Variants in PKHD1 observed in about 807,000 individuals in gnomAD.
PKHD1 encodes fibrocystin.
Under a neutral mutation model 412.0 loss-of-function variants are expected in PKHD1, and 291 were observed. The observed-to-expected ratio is 0.71, with a 90% CI of 0.64 to 0.78. The LOEUF is 0.78. PKHD1 is among the 30% of genes least tolerant of loss of function. PKHD1 has a pLI of 0.00. For synonymous variants in PKHD1, 1,777 were observed against 1,821.5 expected, an observed-to-expected ratio of 0.98 and a Z score of 0.62; for missense variants, 4,825 against 4,950.7, an observed-to-expected ratio of 0.97 and a Z score of 0.76.
At chr6:51,971,921 A>C (rs899367832) in intron 35 of PKHD1, among the ~76,000 whole-genome samples, 1 of 151,874 alleles carries the variant, frequency 6.6e-6, no homozygotes, top group African/African-American at 2.4e-5. Flanking sequence ...CTGTAGAGAC[A>C]AGGTTTTGCC....
chr6:52,017,301 T>TACC, intron 34 of PKHD1, 109 bp downstream of exon 34: 1 of 823,674 alleles, frequency 1.2e-6, no homozygotes, highest in Non-Finnish European at 2.1e-6. Flanking sequence ...TTGTAGCCCT[T>TACC]ACCACGGCTG....
intron 52 of PKHD1, among the ~76,000 whole-genome samples, chr6:51,801,652 T>A (rs867013687): frequency 7.0e-6 from 1 of 143,198 alleles, no homozygotes; most frequent in African/African-American, 2.7e-5. Context: ...TGTGTGTGTG[T>A]GTGAGAGAGA....
chr6:52,003,292 G>C (rs1798661333), intron 35 of PKHD1, among the ~76,000 whole-genome samples: 1 of 152,164 alleles, frequency 6.6e-6, no homozygotes, highest in African/African-American at 2.4e-5. Context: ...AAACAGACGA[G>C]ATGAGAAACC....
In PKHD1 at chr6:51,845,038, GA is replaced by G. The variant is rs750854974; in HGVS notation, c.8107+2736del. Among the ~76,000 whole-genome samples, 8 of 152,156 alleles carry G rather than the reference GA, an allele frequency of 5.3e-5. No individual in the cohort carries two copies. The East Asian group carries it at 1.2e-3, about 22-fold the overall frequency. The stretch of plus-strand genomic sequence containing the variant: ...ATGGTCCTATAAAGTCAAGTGGTCT[GA>G]AAAAAACAGTTAAGTGAAAGTTACA... On this transcript the variant is annotated intron_variant, in intron 50 of 66. Transcript: ENST00000371117.
At chr6:52,020,718 A>G (rs1801274359) in intron 33 of PKHD1, among the ~76,000 whole-genome samples, 1 of 152,240 alleles carries the variant, frequency 6.6e-6, no homozygotes, top group Non-Finnish European at 1.5e-5. Flanking sequence ...CTCTGAAAAG[A>G]GCAACTGCGA....
At chr6:51,950,220 A>AAAAATATAT in intron 36 of PKHD1, among the ~76,000 whole-genome samples, 4,002 of 98,172 alleles carry the variant, frequency 0.041, 142 homozygotes, top group Non-Finnish European at 0.056. Flanking sequence ...GAAAAAAAAA[A>AAAAATATAT]ATATATATAT....
intron 35 of PKHD1, among the ~76,000 whole-genome samples, chr6:52,004,620 A>C (rs976954293): frequency 1.3e-5 from 2 of 152,216 alleles, no homozygotes; most frequent in South Asian, 2.1e-4. Context: ...TTGCTCTAGC[A>C]GACAATTAAT....
At chr6:51,861,492 T>G (rs1774179350) in intron 48 of PKHD1, among the ~76,000 whole-genome samples, 1 of 152,238 alleles carries the variant, frequency 6.6e-6, no homozygotes, top group South Asian at 2.1e-4. Context: ...CAAATTGTGT[T>G]GCAAACATCT....
Position 51,734,179 on chromosome 6 carries a change from A to T in PKHD1, c.10156+10206T>A, listed in dbSNP as rs536123609. 3.3e-5 allele frequency among the ~76,000 whole-genome samples: 5 copies of T among 152,360 alleles called. No homozygotes were observed. The South Asian group carries it at 6.2e-4, about 19-fold the overall frequency. On this transcript the variant is annotated intron_variant, in intron 60 of 66. Coordinates refer to ENST00000371117, the MANE Select transcript of PKHD1 (RefSeq NM_138694.4). ...TAACACAAAATTAAACAGTGTTTTT[A>T]AAAATTTAATTGCAGAACTTATCAG...
intron 37 of PKHD1, among the ~76,000 whole-genome samples, chr6:51,924,091 T>C (rs1785149478): frequency 6.6e-6 from 1 of 152,138 alleles, no homozygotes; most frequent in Admixed American, 6.5e-5. Flanking sequence ...AAAATCCAAT[T>C]TTGACAAATA....
intron 60 of PKHD1, among the ~76,000 whole-genome samples, chr6:51,742,980 A>T (rs533354935): frequency 6.6e-6 from 1 of 152,264 alleles, no homozygotes; most frequent in South Asian, 2.1e-4. Flanking sequence ...AAACGCCCTG[A>T]TGTAGTGATA....
At position 51,853,539 on chromosome 6, in the gene PKHD1, C is replaced by T. The variant is rs186084411; in HGVS notation, c.7911+2354G>A. The stretch of plus-strand genomic sequence containing the variant: ...TGTTTTCCAGCTTTTTTCCATTCTC[C>T]CTGTCTCCTTCTGGTACTCCAATCA... On this transcript the variant is annotated intron_variant, in intron 49 of 66. Coordinates refer to ENST00000371117, the MANE Select transcript of PKHD1 (RefSeq NM_138694.4). Among the ~76,000 whole-genome samples, 370 of 152,254 alleles carry T rather than the reference C, an allele frequency of 2.4e-3. 3 individuals carry two copies. The highest frequency in any genetic ancestry group is 7.9e-3 in the African/African-American group (330 of 41,552).
At chr6:52,036,116 G>A (rs1021113805) in intron 27 of PKHD1, among the ~76,000 whole-genome samples, 1 of 152,174 alleles carries the variant, frequency 6.6e-6, no homozygotes, top group Non-Finnish European at 1.5e-5. Flanking sequence ...AAGGAACAGT[G>A]GCTGAGAGTC....
intron 36 of PKHD1, among the ~76,000 whole-genome samples, chr6:51,950,790 C>T (rs887911384): frequency 2.0e-5 from 3 of 152,120 alleles, no homozygotes; most frequent in Non-Finnish European, 4.4e-5. Context: ...CCCTTAGTCA[C>T]TCAACCAACA....
At chr6:51,841,393 C>A (rs1395094331) in intron 50 of PKHD1, among the ~76,000 whole-genome samples, 2 of 151,902 alleles carry the variant, frequency 1.3e-5, no homozygotes, top group African/African-American at 2.4e-5. Flanking sequence ...CTCCTCTCCT[C>A]TTCTCTCCTC....
At chr6:51,681,972 G>C (rs1776729681) in intron 60 of PKHD1, among the ~76,000 whole-genome samples, 1 of 152,058 alleles carries the variant, frequency 6.6e-6, no homozygotes. Context: ...ACAGTGACCA[G>C]AAAAGTATGA....
chr6:51,726,183 T>C (rs1305278994), intron 60 of PKHD1, among the ~76,000 whole-genome samples: 3 of 152,186 alleles, frequency 2.0e-5, no homozygotes, highest in Admixed American at 6.5e-5. Flanking sequence ...TTCACGTTCA[T>C]GTCACCAAAC....
chr6:51,947,338 A>G (rs1051026286), intron 36 of PKHD1, among the ~76,000 whole-genome samples: 3 of 152,190 alleles, frequency 2.0e-5, no homozygotes, highest in African/African-American at 4.8e-5. Flanking sequence ...TCAAATTTTC[A>G]TCATGTGCTA....
At chr6:51,677,998 T>C (rs1224912325) in intron 60 of PKHD1, among the ~76,000 whole-genome samples, 1 of 152,198 alleles carries the variant, frequency 6.6e-6, no homozygotes, top group East Asian at 1.9e-4. Context: ...TAGAAAGTGT[T>C]TTTGTATTTT....
Sources: gnomAD v4.1 joint callset for allele counts (sites outside exome capture counted in the v4.1 genomes callset) on GRCh38, gnomAD v4.1.1 for gene constraint, MANE v1.5 for transcripts, NCBI Gene and HGNC (gene_info 2026-07-23, HGNC 2026-07-21) for gene names.